The following TMPRSS11D variants were observed in gnomAD, a reference collection of about 807,000 sequenced individuals.
TMPRSS11D encodes transmembrane protease serine 11D.
A neutral mutation model predicts 44.4 loss-of-function variants in TMPRSS11D; 32 were observed. That is an observed-to-expected ratio of 0.72 (90% confidence interval 0.54 to 0.97). The LOEUF is 0.97. Among genes scored for constraint, TMPRSS11D ranks in the 50% least tolerant of loss-of-function variants. The probability of loss-of-function intolerance (pLI) is 0.00; values close to 1 mark genes in which losing one functional copy is unlikely to be tolerated. For missense variants in TMPRSS11D, 446 were observed against 502.6 expected (o/e 0.89, Z 1.08); for synonymous variants, 179 against 177.9 (o/e 1.01, Z -0.05).
intron 1 of TMPRSS11D, among the ~76,000 whole-genome samples, chr4:67,882,019 G>A (rs1023432334): frequency 3.9e-5 from 6 of 152,094 alleles, no homozygotes; most frequent in African/African-American, 1.4e-4. Context: ...AATCTAGAGT[G>A]ACCAAGGATC....
At chr4:67,836,842 T>C (rs2109667479) in intron 5 of TMPRSS11D, among the ~76,000 whole-genome samples, 1 of 152,284 alleles carries the variant, frequency 6.6e-6, no homozygotes, top group African/African-American at 2.4e-5. Context: ...TCGCGTTCAG[T>C]ACAGACTGTT....
chr4:67,880,807 C>T (rs1482466943), intron 1 of TMPRSS11D, among the ~76,000 whole-genome samples: 2 of 152,138 alleles, frequency 1.3e-5, no homozygotes, highest in South Asian at 4.2e-4. Flanking sequence ...ACTTATTGCT[C>T]CACTGTCTTG....
At position 67,840,292 on chromosome 4, in the gene TMPRSS11D, T is replaced by G. The variant is rs1195693326; in HGVS notation, c.318-1963A>C. Among the ~76,000 whole-genome samples the G allele has an allele frequency of 2.6e-5, 4 of 151,956 alleles. No homozygotes were observed. The East Asian group carries it at 7.7e-4, about 29-fold the overall frequency. ...GAAGGGGAAGCAAACACATCTTTCTTACATGGTGGCAGGAAAAAGAACAGA... is the reference window on the plus strand; with the variant it reads ...GAAGGGGAAGCAAACACATCTTTCTGACATGGTGGCAGGAAAAAGAACAGA... On this transcript the variant is annotated intron_variant, in intron 4 of 9. Coordinates refer to ENST00000283916, the MANE Select transcript of TMPRSS11D (RefSeq NM_004262.3).
At chr4:67,845,471 AG>A (rs1450908476) in intron 3 of TMPRSS11D, among the ~76,000 whole-genome samples, 1 of 152,204 alleles carries the variant, frequency 6.6e-6, no homozygotes, top group Non-Finnish European at 1.5e-5. Flanking sequence ...GTAAAAGGAA[AG>A]TAGTTAACGT....
At position 67,822,472 on chromosome 4, in the gene TMPRSS11D, T is replaced by C; in HGVS notation, c.1122A>G (p.Gln374=). 3.7e-6 allele frequency: 6 copies of C among 1,613,900 alleles called. No homozygotes were observed. Among genetic ancestry groups the C allele is most frequent in the Admixed American group, 1.7e-5 (1 of 59,972 alleles). ...TAAACCAAAGCCGCCGTGAGTCTTCTTGTACTAGTGGGCCACCAGAGTCAC... is the reference window on the plus strand; with the variant it reads ...TAAACCAAAGCCGCCGTGAGTCTTCCTGTACTAGTGGGCCACCAGAGTCAC... The part of the protein sequence containing the change: ...CQGDSGGPLV[Q]EDSRRLWFIV... Residue 374 remains glutamine, a synonymous_variant, in exon 10 of 10, where the codon CAA becomes CAG. Coordinates refer to ENST00000283916, the MANE Select transcript of TMPRSS11D (RefSeq NM_004262.3).
In TMPRSS11D at chr4:67,883,969, A is replaced by G. The variant is rs748137096; in HGVS notation, c.-36T>C. 10 of 1,594,710 alleles carry G rather than the reference A, an allele frequency of 6.3e-6. No individual in the cohort carries two copies. In the South Asian group the frequency reaches 6.8e-5, roughly 11 times the overall value. ...AATGAAGAGGTTCTTTTTTCTGCCT[A>G]CTCAACTGCTTTGAGATTCCCACTC... On this transcript the variant is annotated 5_prime_UTR_variant, in exon 1 of 10. Transcript: ENST00000283916.
chr4:67,840,162 G>GT (rs1718198246), intron 4 of TMPRSS11D, among the ~76,000 whole-genome samples: 1 of 152,042 alleles, frequency 6.6e-6, no homozygotes, highest in African/African-American at 2.4e-5. Flanking sequence ...GTGTGTATTA[G>GT]TTTTTTCTCA....
chr4:67,851,584 A>T (rs1718510359), intron 3 of TMPRSS11D, among the ~76,000 whole-genome samples: 1 of 151,992 alleles, frequency 6.6e-6, no homozygotes, highest in Admixed American at 6.6e-5. Context: ...TTCGTTAGGG[A>T]TTGTTCATCT....
chr4:67,849,979 C>G (rs1036104663), intron 3 of TMPRSS11D, among the ~76,000 whole-genome samples: 7 of 152,086 alleles, frequency 4.6e-5, no homozygotes, highest in African/African-American at 1.7e-4. Context: ...ATTCATGTAT[C>G]ATTTTAAATG....
chr4:67,870,534 G>A (rs1426592100), intron 1 of TMPRSS11D, among the ~76,000 whole-genome samples: 1 of 151,810 alleles, frequency 6.6e-6, no homozygotes, highest in African/African-American at 2.4e-5. Context: ...TGCACCTCCG[G>A]CCGGGCGCGG....
chr4:67,827,255 A>G lies in TMPRSS11D; in HGVS notation c.952+6T>C. The G allele has an allele frequency of 1.3e-6, 2 of 1,577,426 alleles. No individual in the cohort carries two copies. The highest frequency in any genetic ancestry group is 1.7e-6 in the Non-Finnish European group (2 of 1,167,040). ...TATTGTTAATTTTTTTTTCCGAGAC[A>G]CTTACCAGCATATTCTTGAGCGCCC... On this transcript the variant is annotated splice_donor_region_variant and intron_variant, in intron 8 of 9. Coordinates refer to ENST00000283916, the MANE Select transcript of TMPRSS11D (RefSeq NM_004262.3).
rs146498211 is a variant in TMPRSS11D, at chr4:67,874,082, A to G, written c.8+9844T>C. Among the ~76,000 whole-genome samples the G allele has an allele frequency of 2.6e-4, 39 of 152,136 alleles. No homozygotes were observed. In the East Asian group the frequency reaches 7.0e-3, roughly 27 times the overall value. On this transcript the variant is annotated intron_variant, in intron 1 of 9. Transcript: ENST00000283916. ...TTCAGATATGTGTAGATACACAAAT[A>G]TTTACTATTGTGTTACAATTGCCTA...
intron 1 of TMPRSS11D, among the ~76,000 whole-genome samples, chr4:67,880,581 A>C (rs142374435): frequency 0.017 from 2,594 of 152,296 alleles, 31 homozygotes; most frequent in Non-Finnish European, 0.024. Context: ...TCAGAATAAA[A>C]ACTTGTCTAG....
chr4:67,832,860 A>T (rs1041494394), intron 7 of TMPRSS11D, among the ~76,000 whole-genome samples: 1 of 151,968 alleles, frequency 6.6e-6, no homozygotes, highest in African/African-American at 2.4e-5. Flanking sequence ...AGTAACACTA[A>T]GTCACAGATA....
chr4:67,878,210 C>T (rs1398044708), intron 1 of TMPRSS11D, among the ~76,000 whole-genome samples: 1 of 152,204 alleles, frequency 6.6e-6, no homozygotes, highest in Non-Finnish European at 1.5e-5. Flanking sequence ...CTTCCATGAG[C>T]TTCTAGACTG....
At chr4:67,868,274 G>C (rs1718973126) in intron 1 of TMPRSS11D, among the ~76,000 whole-genome samples, 2 of 152,254 alleles carry the variant, frequency 1.3e-5, no homozygotes, top group South Asian at 4.1e-4. Context: ...TGGACAGAGA[G>C]AGTAGAATAA....
At chr4:67,854,034 A>G in intron 3 of TMPRSS11D, 34 bp downstream of exon 3, 2 of 1,213,204 alleles carry the variant, frequency 1.6e-6, no homozygotes, top group Non-Finnish European at 2.3e-6. Context: ...TCATTTTATA[A>G]TGGAATAAAG....
At chr4:67,828,078 G>A (rs1338304097) in intron 7 of TMPRSS11D, among the ~76,000 whole-genome samples, 5 of 151,646 alleles carry the variant, frequency 3.3e-5, no homozygotes, top group Middle Eastern at 3.2e-3. Context: ...ACATATGTAT[G>A]TATGGGGTCT....
chr4:67,839,344 C>G (rs1351639389), intron 4 of TMPRSS11D, among the ~76,000 whole-genome samples: 2 of 151,872 alleles, frequency 1.3e-5, no homozygotes, highest in East Asian at 3.9e-4. Context: ...AATATGGAAG[C>G]CTAAATAATT....
Sources: gnomAD v4.1 joint callset for allele counts (sites outside exome capture counted in the v4.1 genomes callset) on GRCh38, gnomAD v4.1.1 for gene constraint, MANE v1.5 for transcripts, NCBI Gene and HGNC (gene_info 2026-07-23, HGNC 2026-07-21) for gene names.